Variants in NCKAP1 observed in about 807,000 individuals in gnomAD.
NCKAP1 encodes NCK associated protein 1, also known as nck-associated protein 1.
A neutral mutation model predicts 151.2 loss-of-function variants in NCKAP1; 21 were observed. The observed-to-expected ratio is 0.14, with a 90% CI of 0.10 to 0.20. NCKAP1 has a LOEUF of 0.20. Among genes scored for constraint, NCKAP1 ranks in the 10% least tolerant of loss-of-function variants. NCKAP1 has a pLI of 1.00. For missense variants in NCKAP1, 933 were observed against 1,352.1 expected (o/e 0.69, Z 4.86); for synonymous variants, 484 against 451.8 (o/e 1.07, Z -0.90).
rs1238857897 is a variant in NCKAP1, at chr2:182,952,492, T to A, written c.2514A>T (p.Ser838=). 1 of 1,596,392 alleles carries A rather than the reference T, an allele frequency of 6.3e-7. No individual in the cohort carries two copies. Among genetic ancestry groups the A allele is most frequent in the Non-Finnish European group, 8.5e-7 (1 of 1,171,530 alleles). ...CATATGGGCCTAGTAGTTCTGATAA[T>A]GACCTCATTTCTGAAAGAAAACATA... ...EEYSDISEMR[S]LSELLGPYGM... Residue 838 remains serine (S), a synonymous_variant, in exon 23 of 31, where the codon TCA becomes TCT. Transcript: ENST00000361354.
rs1232407477 is a variant in NCKAP1, at chr2:182,921,777, T to C, written c.*3925A>G. 1 of 152,194 alleles carries C rather than the reference T, an allele frequency of 6.6e-6. No individual in the cohort carries two copies. The highest frequency in any genetic ancestry group is 1.9e-4 in the East Asian group (1 of 5,198). The allele number at this position is 152,194 out of a possible 1,614,324, so 9.4% of individuals were successfully genotyped here. On this transcript the variant is annotated 3_prime_UTR_variant, in exon 31 of 31. Transcript: ENST00000361354. ...TACTCTGGACAGTCAAGGACAGCGA[T>C]GTGTAGGGAAAGTTTGGTTCATGCA...
chr2:182,978,950 CTA>C (rs763657505), intron 13 of NCKAP1, 35 bp from the exon 14 acceptor site: 1 of 1,484,608 alleles, frequency 6.7e-7, no homozygotes, highest in Admixed American at 1.7e-5. Context: ...TTAAAAACAT[CTA>C]TAGTTGGGAA....
intron 24 of NCKAP1, among the ~76,000 whole-genome samples, chr2:182,939,250 C>T (rs986237173): frequency 6.6e-6 from 1 of 152,084 alleles, no homozygotes; most frequent in African/African-American, 2.4e-5. Flanking sequence ...GATAATAAGG[C>T]CAGGCACGGT....
At chr2:183,034,174 C>T (rs1170063745) in intron 1 of NCKAP1, among the ~76,000 whole-genome samples, 1 of 152,080 alleles carries the variant, frequency 6.6e-6, no homozygotes, top group Admixed American at 6.5e-5. Flanking sequence ...CTTTTCTTCC[C>T]CCACTAAATA....
chr2:183,004,224 T>C (rs1458381140), intron 2 of NCKAP1, among the ~76,000 whole-genome samples: 1 of 152,074 alleles, frequency 6.6e-6, no homozygotes, highest in African/African-American at 2.4e-5. Flanking sequence ...TAAACACACA[T>C]TAAATGTGTG....
intron 24 of NCKAP1, among the ~76,000 whole-genome samples, chr2:182,939,534 T>A (rs2105808947): frequency 6.6e-6 from 1 of 151,938 alleles, no homozygotes; most frequent in African/African-American, 2.4e-5. Context: ...TCTCAAAAAA[T>A]TTAAAAATAA....
chr2:182,982,796 AT>A, intron 12 of NCKAP1, 24 bp downstream of exon 12: 1 of 1,473,884 alleles, frequency 6.8e-7, no homozygotes, highest in South Asian at 1.2e-5. Flanking sequence ...TACAGAAAAT[AT>A]TTTTTTAAAT....
At chr2:182,949,317 T>C (rs1229368450) in intron 23 of NCKAP1, among the ~76,000 whole-genome samples, 1 of 152,202 alleles carries the variant, frequency 6.6e-6, no homozygotes, top group Non-Finnish European at 1.5e-5. Flanking sequence ...TAGCATAATC[T>C]GTGGTGCTAG....
intron 1 of NCKAP1, chr2:183,025,036 A>T: frequency 1.9e-6 from 3 of 1,593,970 alleles, no homozygotes; most frequent in Non-Finnish European, 2.6e-6. Context: ...AATTACGTGT[A>T]AACAATGATT....
At chr2:182,980,212 AG>A (rs1164531178) in intron 13 of NCKAP1, among the ~76,000 whole-genome samples, 1 of 152,094 alleles carries the variant, frequency 6.6e-6, no homozygotes, top group Non-Finnish European at 1.5e-5. Context: ...AAATGACCAT[AG>A]AAAAGAAGTA....
At chr2:183,036,228 G>C (rs991130835) in intron 1 of NCKAP1, among the ~76,000 whole-genome samples, 3 of 152,116 alleles carry the variant, frequency 2.0e-5, no homozygotes, top group African/African-American at 7.2e-5. Context: ...GGATATTAAA[G>C]TTTGATTGCA....
In NCKAP1 at chr2:182,978,838, T is replaced by C. The variant is rs541480107; in HGVS notation, c.1419A>G (p.Lys473=). 1 of 1,569,874 alleles carries C rather than the reference T, an allele frequency of 6.4e-7. No homozygotes were observed. The highest frequency in any genetic ancestry group is 1.1e-5 in the South Asian group (1 of 87,208). The part of the protein sequence containing the change: ...FVNTMTSLSV[K]QVEDGEVFDF... ...TTTATTTAAAAGGCTTATTACCTTG[T>C]TTTACACTTAGGGAAGTCATAGTGT... Residue 473 remains lysine, a synonymous_variant, in exon 14 of 31, where the codon AAA becomes AAG. Transcript: ENST00000361354.
At chr2:183,000,446 C>T (rs1168037984) in intron 6 of NCKAP1, among the ~76,000 whole-genome samples, 1 of 151,944 alleles carries the variant, frequency 6.6e-6, no homozygotes, top group Admixed American at 6.6e-5. Context: ...CAAGACCATA[C>T]ATGATTAGGG....
intron 12 of NCKAP1, 132 bp downstream of exon 12, chr2:182,982,689 T>C: frequency 1.6e-6 from 1 of 622,042 alleles, no homozygotes. Context: ...TGTTCAGTAA[T>C]AATAGGTGTA....
chr2:182,951,392 G>A (rs983467377), intron 23 of NCKAP1, among the ~76,000 whole-genome samples: 3 of 151,636 alleles, frequency 2.0e-5, no homozygotes, highest in Non-Finnish European at 4.4e-5. Context: ...AAATTGGCCA[G>A]GCACGGTGGC....
Position 182,967,243 on chromosome 2 carries a change from A to G in NCKAP1, c.1601T>C (p.Val534Ala). 6.2e-7 allele frequency: 1 copy of G among 1,610,024 alleles called. No individual in the cohort carries two copies. The highest frequency in any genetic ancestry group is 1.1e-5 in the South Asian group (1 of 89,670). Residue 534 changes from valine (V) to alanine (A), a missense_variant, in exon 16 of 31, where the codon GTG (valine) becomes GCG (alanine). This residue lies in a region of NCKAP1 where 607 missense variants were observed against 795.0 expected (regional missense o/e 0.76). Coordinates refer to ENST00000361354, the MANE Select transcript of NCKAP1 (RefSeq NM_013436.5). ...AAATATGGAGAGATCTGATGTTTCC[A>G]CCAACATTTCCACCAAGGAATCTAC... is the stretch of plus-strand genomic sequence containing the variant. ...KMVDSLVEML[V>A]ETSDLSIFCF... is the part of the protein sequence containing the mutation.
intron 1 of NCKAP1, among the ~76,000 whole-genome samples, chr2:183,029,191 G>A (rs1406246345): frequency 6.6e-6 from 1 of 151,830 alleles, no homozygotes; most frequent in Non-Finnish European, 1.5e-5. Context: ...ACACAAATCT[G>A]ATGTTATCAG....
At chr2:182,932,261 C>A (rs990460122) in intron 26 of NCKAP1, among the ~76,000 whole-genome samples, 1 of 151,898 alleles carries the variant, frequency 6.6e-6, no homozygotes, top group Non-Finnish European at 1.5e-5. Context: ...ATGTTGTATA[C>A]CCATACAATG....
Position 182,909,590 on chromosome 2 carries a change from T to C in NCKAP1, c.*16112A>G, listed in dbSNP as rs370548379. 6.6e-6 allele frequency: 1 copy of C among 152,260 alleles called. No individual in the cohort carries two copies. The highest frequency in any genetic ancestry group is 1.9e-4 in the East Asian group (1 of 5,206). The allele number at this position is 152,260 out of a possible 1,614,324, so 9.4% of individuals were successfully genotyped here. A position where few individuals can be genotyped will look rare whatever the true frequency, so the allele number is the denominator to read the frequency against. On this transcript the variant is annotated 3_prime_UTR_variant, in exon 31 of 31. Transcript: ENST00000361354. ...GTACATATATATCTCATTTGTTTTT[T>C]GATTCATTTGTTGATGGACGCTCGG...
Sources: allele counts gnomAD v4.1 joint callset (sites outside exome capture counted in the v4.1 genomes callset), GRCh38; gene constraint gnomAD v4.1.1; regional missense constraint gnomAD v4.1.1; transcripts MANE v1.5; gene names NCBI Gene and HGNC (gene_info 2026-07-23, HGNC 2026-07-21).